NALCN: variants seen among roughly 807,000 people sequenced by gnomAD.
NALCN encodes the protein sodium leak channel, non-selective.
NALCN carries 111 observed loss-of-function variants against 225.3 expected under a neutral mutation model. That is an observed-to-expected ratio of 0.49 (90% CI 0.42 to 0.58). The LOEUF (loss-of-function observed/expected upper bound fraction) is 0.58, where lower values mean the gene tolerates loss of function less well. Among genes scored for constraint, NALCN ranks in the 20% least tolerant of loss-of-function variants. The pLI, the probability that NALCN is intolerant of heterozygous loss-of-function variation, is 0.00. For synonymous variants in NALCN, 764 were observed against 769.0 expected (o/e 0.99, Z 0.11); for missense variants, 1,378 against 2,202.4 (o/e 0.63, Z 7.49).
At chr13:101,255,720 C>T (rs1337188709) in intron 11 of NALCN, among the ~76,000 whole-genome samples, 1 of 152,152 alleles carries the variant, frequency 6.6e-6, no homozygotes, top group African/African-American at 2.4e-5. Context: ...TAAATAATGT[C>T]CTCTACATTA....
chr13:101,314,324 A>T (rs542118653), intron 7 of NALCN, among the ~76,000 whole-genome samples: 18 of 152,232 alleles, frequency 1.2e-4, no homozygotes, highest in African/African-American at 4.3e-4. Flanking sequence ...TAAAATAAAA[A>T]AATGTATATA....
At chr13:101,197,879 T>G (rs969173989) in intron 13 of NALCN, among the ~76,000 whole-genome samples, 1 of 152,154 alleles carries the variant, frequency 6.6e-6, no homozygotes, top group Non-Finnish European at 1.5e-5. Context: ...AAAGTCAAAG[T>G]TGCCAGCACA....
At chr13:101,302,953 T>G (rs1313848268) in intron 7 of NALCN, among the ~76,000 whole-genome samples, 1 of 152,164 alleles carries the variant, frequency 6.6e-6, no homozygotes, top group Non-Finnish European at 1.5e-5. Flanking sequence ...TAAAAATCAT[T>G]TTTCATGTAT....
chr13:101,330,032 G>C (rs1229163215), intron 7 of NALCN, among the ~76,000 whole-genome samples: 1 of 149,812 alleles, frequency 6.7e-6, no homozygotes, highest in Non-Finnish European at 1.5e-5. Flanking sequence ...GAGAGAGACT[G>C]TTTCAAAAAA....
chr13:101,363,012 C>T (rs1456000076), intron 6 of NALCN, among the ~76,000 whole-genome samples: 1 of 151,744 alleles, frequency 6.6e-6, no homozygotes, highest in African/African-American at 2.4e-5. Context: ...ATTAAAAATG[C>T]CTAGGAATAA....
chr13:101,331,112 C>T (rs1237547871), intron 7 of NALCN, among the ~76,000 whole-genome samples: 2 of 152,116 alleles, frequency 1.3e-5, no homozygotes, highest in Non-Finnish European at 2.9e-5. Context: ...AACACAACCC[C>T]AGTCACAGTT....
chr13:101,249,561 C>A (rs867826131), intron 11 of NALCN, among the ~76,000 whole-genome samples: 2 of 152,020 alleles, frequency 1.3e-5, no homozygotes, highest in Non-Finnish European at 1.5e-5. Flanking sequence ...AAAAGTAATG[C>A]TATAAAATCA....
intron 9 of NALCN, among the ~76,000 whole-genome samples, chr13:101,289,200 T>C (rs1179121976): frequency 6.6e-6 from 1 of 152,310 alleles, no homozygotes; most frequent in South Asian, 2.1e-4. Flanking sequence ...CAGGCAGGTA[T>C]GAAATCACAA....
At chr13:101,224,877 G>A (rs542710027) in intron 13 of NALCN, among the ~76,000 whole-genome samples, 55 of 152,228 alleles carry the variant, frequency 3.6e-4, no homozygotes, top group Non-Finnish European at 6.9e-4. Flanking sequence ...TTTCCCTGTA[G>A]GGTCCTTAAC....
chr13:101,346,091 A>C (rs199516882), intron 6 of NALCN, among the ~76,000 whole-genome samples: 12,532 of 76,390 alleles, frequency 0.16, 674 homozygotes, highest in South Asian at 0.22. Flanking sequence ...CTCTCTCTAT[A>C]TATATATATA....
At chr13:101,312,870 C>G (rs1018880342) in intron 7 of NALCN, among the ~76,000 whole-genome samples, 1 of 152,166 alleles carries the variant, frequency 6.6e-6, no homozygotes, top group African/African-American at 2.4e-5. Context: ...GCCCGCATCA[C>G]CAAGTCAATC....
At chr13:101,305,892 T>C (rs1566555931) in intron 7 of NALCN, among the ~76,000 whole-genome samples, 2 of 152,190 alleles carry the variant, frequency 1.3e-5, no homozygotes, top group African/African-American at 2.4e-5. Flanking sequence ...TATGTTAATC[T>C]GGACAAAACA....
At chr13:101,147,979 A>G (rs1366978885) in intron 15 of NALCN, among the ~76,000 whole-genome samples, 1 of 152,138 alleles carries the variant, frequency 6.6e-6, no homozygotes, top group East Asian at 1.9e-4. Flanking sequence ...AATTCCTCAC[A>G]GAAGCTTTCT....
intron 40 of NALCN, among the ~76,000 whole-genome samples, chr13:101,062,357 G>C (rs1250684087): frequency 6.6e-6 from 1 of 152,108 alleles, no homozygotes; most frequent in Non-Finnish European, 1.5e-5. Context: ...GACTAAGTGA[G>C]TTAATATCTG....
In NALCN at chr13:101,104,604, C is replaced by T. The variant is rs754141669; in HGVS notation, c.2683G>A (p.Val895Ile). 1.2e-6 allele frequency: 2 copies of T among 1,613,928 alleles called. No individual in the cohort carries two copies. The highest frequency in any genetic ancestry group is 2.2e-5 in the South Asian group (2 of 91,074). ...VTYLDWVMII[V>I]TICSCISMMF... The stretch of plus-strand genomic sequence containing the variant: ...ATGGAAATGCAAGAGCAGATGGTTA[C>T]GATGATCATGACCCAGTCCAGGTAA... Residue 895 changes from valine (V) to isoleucine (I), a missense_variant, in exon 24 of 44, where the codon GTA (valine) becomes ATA (isoleucine). Around this residue, in one of 19 missense-constraint regions of NALCN, gnomAD observed 292 missense variants for 409.5 expected, o/e 0.71. Coordinates refer to ENST00000251127, the MANE Select transcript of NALCN (RefSeq NM_052867.4). The surrounding 1 kb of genome is among the most constrained non-coding windows in gnomAD (Gnocchi z 4.2).
intron 7 of NALCN, among the ~76,000 whole-genome samples, chr13:101,337,311 T>TATTA (rs1232395295): frequency 6.7e-6 from 1 of 150,134 alleles, no homozygotes; most frequent in Non-Finnish European, 1.5e-5. Context: ...TTTATTTATT[T>TATTA]ATTTATTTAT....
At chr13:101,199,812 T>G (rs976455472) in intron 13 of NALCN, among the ~76,000 whole-genome samples, 1 of 151,768 alleles carries the variant, frequency 6.6e-6, no homozygotes, top group African/African-American at 2.4e-5. Flanking sequence ...TATATATATA[T>G]AGAAATGTCA....
chr13:101,162,138 ATTTGTGTCGGGGT>A (rs1460459198), intron 15 of NALCN, among the ~76,000 whole-genome samples: 3 of 152,012 alleles, frequency 2.0e-5, no homozygotes, highest in African/African-American at 7.3e-5. Flanking sequence ...CCTGACCACC[ATTTGTGTCGGGGT>A]CTTCTACGAG....
intron 3 of NALCN, among the ~76,000 whole-genome samples, chr13:101,387,169 C>T (rs1010065200): frequency 7.3e-6 from 1 of 136,888 alleles, no homozygotes; most frequent in Non-Finnish European, 1.5e-5. Context: ...TGCAGTGAGC[C>T]GAGATTGCGC....
Sources: gnomAD v4.1 joint callset for allele counts (sites outside exome capture counted in the v4.1 genomes callset) on GRCh38, gnomAD v4.1.1 for gene constraint, gnomAD v4.1.1 regional missense constraint, Gnocchi (gnomAD v3.1) non-coding constraint, MANE v1.5 for transcripts, NCBI Gene and HGNC (gene_info 2026-07-23, HGNC 2026-07-21) for gene names.